The following CSMD3 variants were observed in gnomAD, a reference collection of about 807,000 sequenced individuals.
CSMD3 encodes CUB and Sushi multiple domains 3, also known as CUB and sushi domain-containing protein 3.
A neutral mutation model predicts 435.2 loss-of-function variants in CSMD3; 177 were observed. The ratio of observed to expected loss-of-function variants is 0.41; its 90% CI spans 0.36 to 0.46. CSMD3 has a LOEUF of 0.46. Among genes scored for constraint, CSMD3 ranks in the 20% least tolerant of loss-of-function variants. The pLI, the probability that CSMD3 is intolerant of heterozygous loss-of-function variation, is 0.34. For missense variants in CSMD3, 4,265 were observed against 4,504.6 expected (o/e 0.95, Z 1.52); for synonymous variants, 1,656 against 1,520.5 (o/e 1.09, Z -2.07).
At chr8:112,933,127 T>A (rs1238078715) in intron 9 of CSMD3, among the ~76,000 whole-genome samples, 4 of 152,112 alleles carry the variant, frequency 2.6e-5, no homozygotes, top group Non-Finnish European at 5.9e-5. Flanking sequence ...CTCTGAGATT[T>A]TTTTTTCCAG....
intron 6 of CSMD3, among the ~76,000 whole-genome samples, chr8:112,993,046 G>A (rs945817203): frequency 4.0e-5 from 6 of 151,764 alleles, no homozygotes; most frequent in African/African-American, 1.4e-4. Context: ...CATCAGACCA[G>A]AGGTTCCACA....
intron 30 of CSMD3, among the ~76,000 whole-genome samples, chr8:112,497,357 T>G (rs1821458807): frequency 1.3e-5 from 2 of 151,684 alleles, no homozygotes; most frequent in Admixed American, 1.3e-4. Flanking sequence ...ACTAAAAGCG[T>G]ATAATTGGAA....
intron 3 of CSMD3, among the ~76,000 whole-genome samples, chr8:113,178,939 G>A (rs1026696058): frequency 1.3e-5 from 2 of 151,806 alleles, no homozygotes; most frequent in East Asian, 1.9e-4. Flanking sequence ...ATATTTGGTC[G>A]TGGGGTGCTA....
chr8:112,782,308 C>T (rs2078409990), intron 13 of CSMD3, among the ~76,000 whole-genome samples: 1 of 151,958 alleles, frequency 6.6e-6, no homozygotes, highest in African/African-American at 2.4e-5. Context: ...CTGAAGAATG[C>T]ATCAGTCTCC....
chr8:112,265,664 G>A (rs2130419106), intron 59 of CSMD3, 74 bp from the exon 60 acceptor site: 2 of 1,007,276 alleles, frequency 2.0e-6, no homozygotes, highest in Non-Finnish European at 3.2e-6. Flanking sequence ...TAAGCATATG[G>A]CATACTTAAT....
intron 3 of CSMD3, among the ~76,000 whole-genome samples, chr8:113,270,159 A>G (rs1442060857): frequency 6.6e-6 from 1 of 152,242 alleles, no homozygotes; most frequent in Non-Finnish European, 1.5e-5. Context: ...GGATATGAAC[A>G]GACACTTCTC....
intron 38 of CSMD3, among the ~76,000 whole-genome samples, chr8:112,353,759 C>A: frequency 6.6e-6 from 1 of 152,154 alleles, no homozygotes; most frequent in East Asian, 1.9e-4. Context: ...GGATTTATGG[C>A]TGAATTCTAC....
intron 1 of CSMD3, among the ~76,000 whole-genome samples, chr8:113,385,419 C>G (rs1040253215): frequency 6.6e-6 from 1 of 152,092 alleles, no homozygotes; most frequent in Non-Finnish European, 1.5e-5. Context: ...TATGTCTAGT[C>G]ATTATGATGT....
At chr8:113,421,203 A>G (rs2094607342) in intron 1 of CSMD3, among the ~76,000 whole-genome samples, 1 of 152,204 alleles carries the variant, frequency 6.6e-6, no homozygotes, top group Admixed American at 6.5e-5. Flanking sequence ...GGCAAATAGA[A>G]CACAATCACA....
At chr8:113,046,590 G>A (rs1479875975) in intron 5 of CSMD3, among the ~76,000 whole-genome samples, 10 of 152,282 alleles carry the variant, frequency 6.6e-5, no homozygotes, top group African/African-American at 1.9e-4. Flanking sequence ...TCTCCTGGAC[G>A]ATTCTTCTCC....
intron 35 of CSMD3, among the ~76,000 whole-genome samples, chr8:112,391,757 G>A (rs537689970): frequency 1.3e-5 from 2 of 151,830 alleles, no homozygotes; most frequent in African/African-American, 4.8e-5. Flanking sequence ...CATGTCCTTA[G>A]ATGGAACTGA....
In CSMD3 at chr8:112,556,947, T is replaced by C. The variant is rs1397675185; in HGVS notation, c.4050A>G (p.Glu1350=). ...TGCCAGGATCTTCACAGTGTGAGAG[T>C]TCAAAACCTGGGACAAAAATATAAA... ...EGFQLVYTSF[E]LSHCEDPGIP... Residue 1350 remains glutamate (E), a synonymous_variant, in exon 25 of 71, where the codon GAA becomes GAG. Coordinates refer to ENST00000297405, the MANE Select transcript of CSMD3 (RefSeq NM_198123.2). The C allele has an allele frequency of 2.5e-6, 4 of 1,609,510 alleles. No homozygotes were observed. The highest frequency in any genetic ancestry group is 3.4e-6 in the Non-Finnish European group (4 of 1,176,678).
chr8:112,594,311 G>T (rs374790740), intron 22 of CSMD3, among the ~76,000 whole-genome samples: 1 of 152,152 alleles, frequency 6.6e-6, no homozygotes, highest in African/African-American at 2.4e-5. Flanking sequence ...TTTTCGGACC[G>T]GCTTAAAAAA....
chr8:112,504,000 AAAAG>A (rs1297982989), intron 29 of CSMD3, 23 bp from the exon 30 acceptor site: 3 of 1,438,012 alleles, frequency 2.1e-6, no homozygotes, highest in Admixed American at 3.4e-5. Context: ...AGGAAAGAAC[AAAAG>A]AAAGAAAGAG....
intron 5 of CSMD3, among the ~76,000 whole-genome samples, chr8:113,045,622 T>G (rs1287452244): frequency 2.7e-5 from 4 of 149,480 alleles, no homozygotes; most frequent in African/African-American, 7.3e-5. Context: ...ATTCATATGC[T>G]ATACCATGAA....
intron 56 of CSMD3, among the ~76,000 whole-genome samples, chr8:112,290,407 T>A (rs1196670357): frequency 1.3e-5 from 2 of 152,030 alleles, no homozygotes; most frequent in African/African-American, 2.4e-5. Context: ...TTACAAGTCC[T>A]ATGAAGAGAT....
intron 1 of CSMD3, among the ~76,000 whole-genome samples, chr8:113,363,293 T>TACACGGGATAAA (rs78166302): frequency 6.6e-6 from 1 of 152,002 alleles, no homozygotes; most frequent in South Asian, 2.1e-4. Flanking sequence ...CACGCGTGTT[T>TACACGGGATAAA]GTATATTTCA....
At chr8:113,212,931 T>C (rs2092856595) in intron 3 of CSMD3, among the ~76,000 whole-genome samples, 1 of 147,532 alleles carries the variant, frequency 6.8e-6, no homozygotes, top group African/African-American at 2.5e-5. Flanking sequence ...GAAAATCAAG[T>C]TAGATGTACC....
intron 66 of CSMD3, 42 bp downstream of exon 66, chr8:112,241,678 T>G (rs768439715): frequency 1.4e-6 from 2 of 1,396,836 alleles, no homozygotes; most frequent in African/African-American, 2.8e-5. Context: ...TAGACCATTT[T>G]TAGAAATAAT....
Sources: gnomAD v4.1 joint callset for allele counts (sites outside exome capture counted in the v4.1 genomes callset) on GRCh38, gnomAD v4.1.1 for gene constraint, MANE v1.5 for transcripts, NCBI Gene and HGNC (gene_info 2026-07-23, HGNC 2026-07-21) for gene names.